The following KCTD16 variants were observed in gnomAD, a reference collection of about 807,000 sequenced individuals.
KCTD16 encodes potassium channel tetramerization domain containing 16, also known as BTB/POZ domain-containing protein KCTD16.
Under a neutral mutation model 33.2 loss-of-function variants are expected in KCTD16, and 13 were observed. The ratio of observed to expected loss-of-function variants is 0.39; its 90% confidence interval spans 0.25 to 0.62. The LOEUF is 0.62. KCTD16 is among the 20% of genes least tolerant of loss of function. The pLI, the probability that KCTD16 is intolerant of heterozygous loss-of-function variation, is 0.50. For missense variants in KCTD16, 441 were observed against 525.1 expected, an observed-to-expected ratio of 0.84 and a Z score of 1.57; for synonymous variants, 197 against 195.3, an observed-to-expected ratio of 1.01 and a Z score of -0.07.
At chr5:144,320,050 A>AT (rs1752033444) in intron 3 of KCTD16, among the ~76,000 whole-genome samples, 2 of 152,150 alleles carry the variant, frequency 1.3e-5, no homozygotes, top group African/African-American at 4.8e-5. Flanking sequence ...TACCAGGTAC[A>AT]ATGACCTATT....
chr5:144,295,049 C>G (rs1185661150), intron 3 of KCTD16, among the ~76,000 whole-genome samples: 1 of 152,174 alleles, frequency 6.6e-6, no homozygotes, highest in Non-Finnish European at 1.5e-5. Flanking sequence ...TGGGGATAGG[C>G]ATGGTCTTTG....
intron 3 of KCTD16, among the ~76,000 whole-genome samples, chr5:144,311,172 C>T (rs1350964646): frequency 6.6e-6 from 1 of 152,106 alleles, no homozygotes; most frequent in Non-Finnish European, 1.5e-5. Context: ...TCAATTGTCC[C>T]ACTTATAAAG....
At chr5:144,209,861 C>T (rs889309634) in intron 3 of KCTD16, among the ~76,000 whole-genome samples, 1 of 142,438 alleles carries the variant, frequency 7.0e-6, no homozygotes, top group Admixed American at 7.1e-5. Context: ...TATATATACA[C>T]ATATATATGT....
chr5:144,188,959 C>T (rs1752784827), intron 2 of KCTD16, among the ~76,000 whole-genome samples: 1 of 152,166 alleles, frequency 6.6e-6, no homozygotes, highest in Non-Finnish European at 1.5e-5. Context: ...GCCCTGTTGT[C>T]ATGGTAAGGC....
chr5:144,272,475 A>G (rs756922464), intron 3 of KCTD16, among the ~76,000 whole-genome samples: 3 of 152,152 alleles, frequency 2.0e-5, no homozygotes, highest in Non-Finnish European at 4.4e-5. Context: ...TAAAATTCTT[A>G]TGGAATTTTA....
At chr5:144,310,599 T>G (rs1415907323) in intron 3 of KCTD16, among the ~76,000 whole-genome samples, 1 of 151,576 alleles carries the variant, frequency 6.6e-6, no homozygotes, top group African/African-American at 2.4e-5. Flanking sequence ...TTTTGATATA[T>G]ATATATTTTT....
At chr5:144,352,128 T>C (rs1456654546) in intron 3 of KCTD16, among the ~76,000 whole-genome samples, 4 of 152,228 alleles carry the variant, frequency 2.6e-5, no homozygotes, top group Non-Finnish European at 5.9e-5. Context: ...CATCATGTTG[T>C]ATACATCACT....
intron 3 of KCTD16, among the ~76,000 whole-genome samples, chr5:144,351,990 C>T (rs1042804761): frequency 6.6e-6 from 1 of 152,094 alleles, no homozygotes; most frequent in African/African-American, 2.4e-5. Flanking sequence ...TTAATCACAA[C>T]ATATTGTATA....
intron 3 of KCTD16, among the ~76,000 whole-genome samples, chr5:144,254,029 T>A (rs1754774511): frequency 6.6e-6 from 1 of 152,144 alleles, no homozygotes; most frequent in African/African-American, 2.4e-5. Flanking sequence ...TGATTATGAG[T>A]GTCTCTAGGG....
chr5:144,310,986 G>A (rs1751749184), intron 3 of KCTD16, among the ~76,000 whole-genome samples: 2 of 152,172 alleles, frequency 1.3e-5, no homozygotes, highest in Admixed American at 1.3e-4. Flanking sequence ...AAAGAGTAGT[G>A]TAGGTTGGAT....
intron 3 of KCTD16, among the ~76,000 whole-genome samples, chr5:144,360,733 C>T (rs1751691609): frequency 6.6e-6 from 1 of 152,054 alleles, no homozygotes; most frequent in Non-Finnish European, 1.5e-5. Context: ...CCCAGCCAAA[C>T]TCATCCTTTT....
At chr5:144,199,870 A>T (rs2126784933) in intron 2 of KCTD16, among the ~76,000 whole-genome samples, 1 of 151,928 alleles carries the variant, frequency 6.6e-6, no homozygotes, top group Non-Finnish European at 1.5e-5. Context: ...GCGTACCATC[A>T]CACCCGACTA....
At position 144,342,011 on chromosome 5, in the gene KCTD16, A is replaced by C. The variant is rs866076928; in HGVS notation, c.833-131649A>C. Among the ~76,000 whole-genome samples the C allele has an allele frequency of 2.6e-4, 39 of 152,324 alleles. 1 individual carries two copies. Among genetic ancestry groups the C allele is most frequent in the Middle Eastern group, 6.8e-3 (2 of 294 alleles). On this transcript the variant is annotated intron_variant, in intron 3 of 3. Coordinates refer to ENST00000512467, the MANE Select transcript of KCTD16 (RefSeq NM_020768.4). Reference sequence around the variant, plus strand: ...TCAGAGATCTCCTGCGAATATCTGAAATATGGGACTGTTTTATTATGTTAA... The same window carrying C: ...TCAGAGATCTCCTGCGAATATCTGACATATGGGACTGTTTTATTATGTTAA...
intron 3 of KCTD16, among the ~76,000 whole-genome samples, chr5:144,344,616 A>G (rs2126901923): frequency 6.6e-6 from 1 of 151,630 alleles, no homozygotes; most frequent in Admixed American, 6.6e-5. Context: ...GCTCACCATC[A>G]CTGGCCATCA....
chr5:144,353,162 T>C (rs1386682896), intron 3 of KCTD16, among the ~76,000 whole-genome samples: 1 of 152,186 alleles, frequency 6.6e-6, no homozygotes, highest in Non-Finnish European at 1.5e-5. Flanking sequence ...CAGACACTGG[T>C]GCATTCTGGG....
intron 3 of KCTD16, among the ~76,000 whole-genome samples, chr5:144,259,833 C>G (rs1316191104): frequency 2.0e-5 from 3 of 152,218 alleles, no homozygotes; most frequent in Non-Finnish European, 4.4e-5. Flanking sequence ...CAAGAAGCCA[C>G]TTATTTTAAA....
intron 2 of KCTD16, among the ~76,000 whole-genome samples, chr5:144,175,549 T>C (rs1752487251): frequency 1.3e-5 from 2 of 152,234 alleles, no homozygotes; most frequent in African/African-American, 4.8e-5. Context: ...GCAAATAATA[T>C]TTAAACCTTA....
chr5:144,446,111 G>A (rs1436406422), intron 3 of KCTD16, among the ~76,000 whole-genome samples: 1 of 151,720 alleles, frequency 6.6e-6, no homozygotes. Flanking sequence ...TTTAATATTT[G>A]TGGGGATACT....
chr5:144,298,111 G>A (rs915289568), intron 3 of KCTD16, among the ~76,000 whole-genome samples: 1 of 152,190 alleles, frequency 6.6e-6, no homozygotes, highest in African/African-American at 2.4e-5. Flanking sequence ...TCCTAATCGA[G>A]CTGAACACTA....
Sources: gnomAD v4.1 joint callset for allele counts (sites outside exome capture counted in the v4.1 genomes callset) on GRCh38, gnomAD v4.1.1 for gene constraint, MANE v1.5 for transcripts, NCBI Gene and HGNC (gene_info 2026-07-23, HGNC 2026-07-21) for gene names.